ZC3H12B: variants seen among roughly 807,000 people sequenced by gnomAD.
The protein encoded by ZC3H12B is probable ribonuclease ZC3H12B.
ZC3H12B carries 7 observed loss-of-function variants against 43.9 expected under a neutral mutation model. The ratio of observed to expected loss-of-function variants is 0.16; its 90% CI spans 0.09 to 0.30. The LOEUF is 0.30. Among genes scored for constraint, ZC3H12B ranks in the 10% least tolerant of loss-of-function variants. The probability of loss-of-function intolerance (pLI) is 1.00; values close to 1 mark genes in which losing one functional copy is unlikely to be tolerated. For missense variants in ZC3H12B, 475 were observed against 670.2 expected, an observed-to-expected ratio of 0.71 and a Z score of 3.22; for synonymous variants, 222 against 241.7, an observed-to-expected ratio of 0.92 and a Z score of 0.76.
At chrX:65,038,799 T>C in the ZC3H12B span, among the ~76,000 whole-genome samples, 82 of 111,400 alleles carry the variant, frequency 7.4e-4, no homozygotes, top group African/African-American at 2.4e-3. Context: ...CAGTATTACA[T>C]TGAGTACCAC....
At chrX:65,145,940 A>G in the ZC3H12B span, among the ~76,000 whole-genome samples, 2 of 111,174 alleles carry the variant, frequency 1.8e-5, no homozygotes, top group African/African-American at 6.5e-5. Context: ...TTAACTTTTG[A>G]TAACCTGATG....
the ZC3H12B span, among the ~76,000 whole-genome samples, chrX:65,263,917 C>T: frequency 9.0e-6 from 1 of 111,025 alleles, no homozygotes; most frequent in Non-Finnish European, 1.9e-5. Context: ...ACCTAAGTGC[C>T]CATCAACCAA....
At chrX:65,458,398 G>T (rs1215786221) in intron 3 of ZC3H12B, among the ~76,000 whole-genome samples, 1 of 111,349 alleles carries the variant, frequency 9.0e-6, no homozygotes, top group Non-Finnish European at 1.9e-5. Context: ...CAAATCAACA[G>T]AATATACATT....
At chrX:65,120,331 G>A in the ZC3H12B span, among the ~76,000 whole-genome samples, 2 of 111,118 alleles carry the variant, frequency 1.8e-5, no homozygotes, top group African/African-American at 6.6e-5. Context: ...ATTGAGCAGA[G>A]GTTTGTAGTT....
the ZC3H12B span, among the ~76,000 whole-genome samples, chrX:65,179,606 A>G: frequency 9.0e-6 from 1 of 110,990 alleles, no homozygotes; most frequent in Non-Finnish European, 1.9e-5. Flanking sequence ...CCAGACTAAT[A>G]AAGAAGAAAA....
the ZC3H12B span, among the ~76,000 whole-genome samples, chrX:65,350,747 G>C: frequency 9.0e-6 from 1 of 111,326 alleles, no homozygotes; most frequent in African/African-American, 3.3e-5. Flanking sequence ...AAATACATAG[G>C]AATACAACTT....
At chrX:65,152,440 A>G in the ZC3H12B span, among the ~76,000 whole-genome samples, 2 of 111,593 alleles carry the variant, frequency 1.8e-5, no homozygotes, top group Non-Finnish European at 3.8e-5. Flanking sequence ...CACCAATAAC[A>G]GACAGAGAGC....
At chrX:65,235,226 G>A in the ZC3H12B span, among the ~76,000 whole-genome samples, 1 of 110,837 alleles carries the variant, frequency 9.0e-6, no homozygotes, top group African/African-American at 3.3e-5. Context: ...GGGATTGCTG[G>A]GTCAAATGGT....
the ZC3H12B span, among the ~76,000 whole-genome samples, chrX:65,121,375 T>A: frequency 9.0e-6 from 1 of 111,703 alleles, no homozygotes; most frequent in Non-Finnish European, 1.9e-5. Context: ...TGGTTTAGTC[T>A]TGGGAGGGTG....
chrX:65,351,705 C>T, the ZC3H12B span, among the ~76,000 whole-genome samples: 5 of 112,328 alleles, frequency 4.5e-5, no homozygotes, highest in South Asian at 7.3e-4. Context: ...AGCTAACAGA[C>T]GTATGAAAAA....
chrX:65,330,255 G>C, the ZC3H12B span, among the ~76,000 whole-genome samples: 1 of 111,647 alleles, frequency 9.0e-6, no homozygotes, highest in East Asian at 2.8e-4. Flanking sequence ...CATTAATTTT[G>C]TATCCTGAAA....
chrX:65,141,177 G>A, the ZC3H12B span, among the ~76,000 whole-genome samples: 1 of 109,656 alleles, frequency 9.1e-6, no homozygotes, highest in Admixed American at 9.8e-5. Context: ...TTTTAATGTA[G>A]GCATTAATTA....
intron 2 of ZC3H12B, among the ~76,000 whole-genome samples, chrX:65,381,681 G>C (rs1434103627): frequency 8.9e-6 from 1 of 111,791 alleles, no homozygotes; most frequent in East Asian, 2.8e-4. Flanking sequence ...TTTTTGAAAA[G>C]ATCAACAAAA....
the ZC3H12B span, among the ~76,000 whole-genome samples, chrX:65,159,629 C>G: frequency 8.9e-6 from 1 of 111,961 alleles, no homozygotes; most frequent in Admixed American, 9.5e-5. Context: ...TGAGACTTTG[C>G]TGAAGTTGCT....
chrX:65,047,093 G>C, the ZC3H12B span, among the ~76,000 whole-genome samples: 2 of 111,220 alleles, frequency 1.8e-5, no homozygotes, highest in Non-Finnish European at 3.8e-5. Context: ...AATATTATGA[G>C]AGTTAACAAA....
chrX:65,502,255 G>A lies in ZC3H12B; in HGVS notation c.1557G>A (p.Leu519=). 8.3e-7 allele frequency: 1 copy of A among 1,211,207 alleles called. No homozygotes were observed. The highest frequency in any genetic ancestry group is 1.1e-6 in the Non-Finnish European group (1 of 895,297). The change falls in exon 5 of 5, where the codon TTG becomes TTA. Residue 519 remains leucine (L), a synonymous_variant. Transcript: ENST00000338957. ...CCAGCATGCAGTATCCTCCCATCTT[G>A]GTTACCAACAGCCATGGGACCCCTA...
At chrX:65,400,126 G>T (rs2066746416) in intron 3 of ZC3H12B, among the ~76,000 whole-genome samples, 1 of 110,605 alleles carries the variant, frequency 9.0e-6, no homozygotes, top group Admixed American at 9.7e-5. Flanking sequence ...GGACAACAGG[G>T]TGACTATAGT....
At chrX:65,482,137 A>G (rs2068071234) in intron 3 of ZC3H12B, among the ~76,000 whole-genome samples, 3 of 112,173 alleles carry the variant, frequency 2.7e-5, no homozygotes, top group African/African-American at 6.5e-5. Flanking sequence ...TTGTTAACTG[A>G]ATGAGATGCT....
At chrX:65,160,103 G>A in the ZC3H12B span, among the ~76,000 whole-genome samples, 1 of 111,815 alleles carries the variant, frequency 8.9e-6, no homozygotes. Context: ...TTGCATCCCA[G>A]GGATGAAACC....
Sources: allele counts gnomAD v4.1 joint callset (sites outside exome capture counted in the v4.1 genomes callset), GRCh38; gene constraint gnomAD v4.1.1; transcripts MANE v1.5; gene names NCBI Gene and HGNC (gene_info 2026-07-23, HGNC 2026-07-21).